Variants in TRPC4 observed in about 807,000 individuals in gnomAD.
The protein encoded by TRPC4 is transient receptor potential cation channel subfamily C member 4.
TRPC4 carries 49 observed loss-of-function variants against 99.4 expected under a neutral mutation model. That is an observed-to-expected ratio of 0.49 (90% CI 0.39 to 0.63). TRPC4 has a LOEUF of 0.63. Among genes scored for constraint, TRPC4 ranks in the 20% least tolerant of loss-of-function variants. TRPC4 has a pLI of 0.00. For synonymous variants in TRPC4, 454 were observed against 425.9 expected (o/e 1.07, Z -0.81); for missense variants, 898 against 1,152.9 (o/e 0.78, Z 3.20).
chr13:37,822,155 T>A (rs1958031654), intron 1 of TRPC4, among the ~76,000 whole-genome samples: 1 of 152,112 alleles, frequency 6.6e-6, no homozygotes, highest in Middle Eastern at 3.2e-3. Flanking sequence ...AACAGACACT[T>A]TTCCAAAGAA....
At chr13:37,806,979 G>A (rs188161258) in intron 1 of TRPC4, among the ~76,000 whole-genome samples, 1 of 152,098 alleles carries the variant, frequency 6.6e-6, no homozygotes, top group East Asian at 1.9e-4. Context: ...CCAGAGAACT[G>A]TCTAATGAAA....
At chr13:37,676,943 C>T (rs1235490874) in intron 4 of TRPC4, among the ~76,000 whole-genome samples, 1 of 151,202 alleles carries the variant, frequency 6.6e-6, no homozygotes, top group Non-Finnish European at 1.5e-5. Flanking sequence ...ATATGTTATA[C>T]ATATAAAATA....
chr13:37,645,014 A>G (rs1951829069), intron 8 of TRPC4, among the ~76,000 whole-genome samples: 1 of 151,924 alleles, frequency 6.6e-6, no homozygotes, highest in South Asian at 2.1e-4. Flanking sequence ...TTCTTCCTTA[A>G]CTGAGTGTCT....
At chr13:37,704,112 A>G (rs993812782) in intron 3 of TRPC4, among the ~76,000 whole-genome samples, 1 of 152,200 alleles carries the variant, frequency 6.6e-6, no homozygotes, top group African/African-American at 2.4e-5. Context: ...CCAAAGGAAA[A>G]AAAGAACACA....
intron 3 of TRPC4, among the ~76,000 whole-genome samples, chr13:37,704,382 T>G (rs114797528): frequency 0.012 from 1,752 of 152,250 alleles, 35 homozygotes; most frequent in African/African-American, 0.04. Context: ...TTTCCTTCAA[T>G]AAAGTTGCTA....
chr13:37,827,623 G>T (rs952065256), intron 1 of TRPC4, among the ~76,000 whole-genome samples: 5 of 152,256 alleles, frequency 3.3e-5, no homozygotes, highest in African/African-American at 1.2e-4. Flanking sequence ...GAGGCAGTCT[G>T]CCCATTCTCA....
At chr13:37,728,783 T>C (rs764392224) in intron 3 of TRPC4, among the ~76,000 whole-genome samples, 1 of 152,094 alleles carries the variant, frequency 6.6e-6, no homozygotes, top group African/African-American at 2.4e-5. Context: ...TCAAAACTTA[T>C]TGCTAAGTTA....
At chr13:37,659,516 G>A (rs543312300) in intron 6 of TRPC4, among the ~76,000 whole-genome samples, 1 of 152,270 alleles carries the variant, frequency 6.6e-6, no homozygotes, top group South Asian at 2.1e-4. Context: ...AAGACAGGAG[G>A]CAGGGGACAA....
chr13:37,680,568 A>G (rs1230160103), intron 4 of TRPC4, among the ~76,000 whole-genome samples: 2 of 152,240 alleles, frequency 1.3e-5, no homozygotes, highest in Non-Finnish European at 2.9e-5. Context: ...CGCTGCCATG[A>G]GAGATGAAAA....
chr13:37,800,691 A>G (rs1232710494), intron 1 of TRPC4, among the ~76,000 whole-genome samples: 4 of 152,010 alleles, frequency 2.6e-5, no homozygotes, highest in Non-Finnish European at 5.9e-5. Flanking sequence ...ATAGAAATGC[A>G]TTTTTACCAA....
At chr13:37,715,539 AT>A (rs1954633035) in intron 3 of TRPC4, among the ~76,000 whole-genome samples, 1 of 152,188 alleles carries the variant, frequency 6.6e-6, no homozygotes, top group African/African-American at 2.4e-5. Context: ...CAAAAATATT[AT>A]TAGTTCTTTC....
chr13:37,665,846 A>C (rs1179715162), intron 5 of TRPC4, among the ~76,000 whole-genome samples: 2 of 148,638 alleles, frequency 1.3e-5, no homozygotes, highest in Non-Finnish European at 3.0e-5. Flanking sequence ...GAGACAAAAA[A>C]AAAAAAAAAA....
At chr13:37,718,047 A>C (rs923195428) in intron 3 of TRPC4, among the ~76,000 whole-genome samples, 2 of 152,058 alleles carry the variant, frequency 1.3e-5, no homozygotes, top group Admixed American at 1.3e-4. Flanking sequence ...AAGAACTCTG[A>C]AAATATGAAT....
Position 37,850,803 on chromosome 13 carries a change from C to T in TRPC4, c.-28+18792G>A, listed in dbSNP as rs556660664. 6.6e-5 allele frequency among the ~76,000 whole-genome samples: 10 copies of T among 152,218 alleles called. No individual in the cohort carries two copies. In the South Asian group the frequency reaches 2.1e-3, roughly 32 times the overall value. On this transcript the variant is annotated intron_variant, in intron 1 of 10. Coordinates refer to ENST00000379705, the MANE Select transcript of TRPC4 (RefSeq NM_016179.4). ...TAGCTAGGACTTGTGGAGCCAACAT[C>T]CCAGATAGAGGGAAACCACACAGAA...
chr13:37,744,247 T>C (rs1029190383), intron 3 of TRPC4, among the ~76,000 whole-genome samples: 2 of 152,206 alleles, frequency 1.3e-5, no homozygotes, highest in Non-Finnish European at 2.9e-5. Context: ...AATATTTCAA[T>C]ATCTTTCAAG....
chr13:37,725,183 G>A (rs1166772594), intron 3 of TRPC4, among the ~76,000 whole-genome samples: 1 of 152,058 alleles, frequency 6.6e-6, no homozygotes, highest in African/African-American at 2.4e-5. Context: ...AATTGAAATT[G>A]TCTAGTTTGA....
intron 1 of TRPC4, among the ~76,000 whole-genome samples, chr13:37,859,134 G>A (rs1209873133): frequency 6.6e-6 from 1 of 151,090 alleles, no homozygotes; most frequent in Non-Finnish European, 1.5e-5. Context: ...ATAGGACATG[G>A]TGAAAAAAGA....
At chr13:37,660,885 T>C (rs1456921003) in intron 6 of TRPC4, among the ~76,000 whole-genome samples, 1 of 152,190 alleles carries the variant, frequency 6.6e-6, no homozygotes, top group Non-Finnish European at 1.5e-5. Flanking sequence ...TATCACTATA[T>C]ACCCTGTGAC....
intron 3 of TRPC4, among the ~76,000 whole-genome samples, chr13:37,727,972 T>C (rs576074419): frequency 2.0e-5 from 3 of 152,152 alleles, no homozygotes; most frequent in East Asian, 3.9e-4. Flanking sequence ...TTCAGGAAAA[T>C]TATTTGACAA....
Sources: gnomAD v4.1 joint callset for allele counts (sites outside exome capture counted in the v4.1 genomes callset) on GRCh38, gnomAD v4.1.1 for gene constraint, MANE v1.5 for transcripts, NCBI Gene and HGNC (gene_info 2026-07-23, HGNC 2026-07-21) for gene names.